The following RABEPK variants were observed in gnomAD, a reference collection of about 807,000 sequenced individuals.
RABEPK encodes Rab9 effector protein with kelch motifs, also known as 40 kDa Rab9 effector protein.
Under a neutral mutation model 34.1 loss-of-function variants are expected in RABEPK, and 27 were observed. The observed-to-expected ratio is 0.79, with a 90% CI of 0.58 to 1.09. The LOEUF is 1.09. RABEPK is among the 50% of genes least tolerant of loss of function. RABEPK has a pLI of 0.00. For synonymous variants in RABEPK, 172 were observed against 169.2 expected (o/e 1.02, Z -0.13); for missense variants, 449 against 462.6 (o/e 0.97, Z 0.27).
At chr9:125,210,706 CAAA>C (rs35140834) in intron 3 of RABEPK, among the ~76,000 whole-genome samples, 7 of 83,246 alleles carry the variant, frequency 8.4e-5, no homozygotes, top group African/African-American at 1.0e-4. Context: ...GACTCCGTCT[CAAA>C]AAAAAAAAAA....
chr9:125,203,214 G>A, intron 2 of RABEPK, 148 bp downstream of exon 2: 1 of 633,940 alleles, frequency 1.6e-6, no homozygotes, highest in Non-Finnish European at 2.9e-6. Context: ...GTCTGAGAAA[G>A]TCTTCAGAGG....
chr9:125,223,388 G>A (rs1056827317), intron 5 of RABEPK, among the ~76,000 whole-genome samples: 9 of 152,192 alleles, frequency 5.9e-5, no homozygotes, highest in Admixed American at 5.2e-4. Context: ...CCTGGGAGGT[G>A]GAGGTAGCAG....
chr9:125,219,116 G>C (rs1374614942), intron 4 of RABEPK, among the ~76,000 whole-genome samples: 1 of 149,332 alleles, frequency 6.7e-6, no homozygotes, highest in Admixed American at 6.7e-5. Context: ...TATTTGTTTA[G>C]CATTTACTGT....
chr9:125,231,376 A>G (rs1832166085), intron 6 of RABEPK, among the ~76,000 whole-genome samples: 1 of 152,218 alleles, frequency 6.6e-6, no homozygotes, highest in African/African-American at 2.4e-5. Context: ...GCAGCACATT[A>G]TCGTGTAGAG....
chr9:125,213,324 A>C (rs1456173935), intron 3 of RABEPK, 46 bp from the exon 4 acceptor site: 1 of 1,587,462 alleles, frequency 6.3e-7, no homozygotes, highest in Non-Finnish European at 8.6e-7. Context: ...CAACCAATAT[A>C]ATAATTGGCA....
chr9:125,202,350 G>A (rs1029052508), intron 1 of RABEPK, among the ~76,000 whole-genome samples: 3 of 146,890 alleles, frequency 2.0e-5, no homozygotes, highest in African/African-American at 5.0e-5. Flanking sequence ...GTAAAACCCC[G>A]TCTCTACTAG....
intron 3 of RABEPK, among the ~76,000 whole-genome samples, chr9:125,210,003 GAT>G (rs1296343289): frequency 3.3e-5 from 5 of 152,256 alleles, no homozygotes; most frequent in Admixed American, 3.3e-4. Flanking sequence ...CTCAGAAACA[GAT>G]AGCATATTTT....
intron 5 of RABEPK, 93 bp from the exon 6 acceptor site, chr9:125,227,817 G>GC: frequency 7.8e-7 from 1 of 1,274,788 alleles, no homozygotes; most frequent in Non-Finnish European, 1.1e-6. Context: ...GGACAGCTCC[G>GC]CTTGCTAGGA....
At chr9:125,215,493 G>A (rs182823480) in intron 4 of RABEPK, among the ~76,000 whole-genome samples, 23 of 151,778 alleles carry the variant, frequency 1.5e-4, no homozygotes, top group Non-Finnish European at 1.9e-4. Flanking sequence ...TGTATTTTTT[G>A]TAGAGACAGA....
chr9:125,232,217 T>TGC (rs1832238699), intron 6 of RABEPK, among the ~76,000 whole-genome samples: 1 of 118,086 alleles, frequency 8.5e-6, no homozygotes, highest in Non-Finnish European at 1.8e-5. Flanking sequence ...GTATTTAAAG[T>TGC]ACACACACAC....
chr9:125,229,569 C>T (rs1020121482), intron 6 of RABEPK, among the ~76,000 whole-genome samples: 6 of 152,326 alleles, frequency 3.9e-5, no homozygotes, highest in South Asian at 2.1e-4. Flanking sequence ...TAAATAATCT[C>T]CTGAGTGCTT....
chr9:125,208,165 A>G (rs1428758491), intron 3 of RABEPK, among the ~76,000 whole-genome samples: 2 of 152,096 alleles, frequency 1.3e-5, no homozygotes, highest in East Asian at 3.9e-4. Context: ...CATCACTGAC[A>G]GATCCCTCAG....
At chr9:125,215,636 A>T (rs946911760) in intron 4 of RABEPK, among the ~76,000 whole-genome samples, 1 of 152,064 alleles carries the variant, frequency 6.6e-6, no homozygotes, top group Non-Finnish European at 1.5e-5. Context: ...TGGCTGTATC[A>T]TACTCCATTA....
rs1209877826 is a variant in RABEPK at position 125,232,596 on chromosome 9, G to A, written c.677G>A (p.Ser226Asn). Reference protein sequence around the residue: ...FYDDLHCIDISDMKWQKLNPT... With the variant: ...FYDDLHCIDINDMKWQKLNPT... ...CAAAGCTCTTTCTTTCTCTTGGCAG[G>A]TGACATGAAATGGCAGAAGCTAAAT... Residue 226 changes from serine to asparagine, a missense_variant and splice_region_variant, in exon 7 of 8, where the codon AGT becomes AAT. Transcript: ENST00000373538. 6.2e-7 allele frequency: 1 copy of A among 1,610,964 alleles called. No individual in the cohort carries two copies. Among genetic ancestry groups the A allele is most frequent in the African/African-American group, 1.3e-5 (1 of 74,844 alleles).
intron 6 of RABEPK, among the ~76,000 whole-genome samples, chr9:125,229,304 G>A (rs896763480): frequency 7.3e-5 from 11 of 151,510 alleles, no homozygotes; most frequent in Admixed American, 2.0e-4. Context: ...TTGGTGACAG[G>A]CACCTGTAGT....
intron 6 of RABEPK, among the ~76,000 whole-genome samples, chr9:125,231,116 A>G (rs1230472364): frequency 6.6e-6 from 1 of 151,666 alleles, no homozygotes; most frequent in Non-Finnish European, 1.5e-5. Context: ...TAGCCTGGCC[A>G]ACATGGTGAA....
intron 4 of RABEPK, among the ~76,000 whole-genome samples, chr9:125,215,003 T>C (rs1434212696): frequency 6.6e-6 from 1 of 152,032 alleles, no homozygotes; most frequent in Admixed American, 6.6e-5. Flanking sequence ...TTAGCCAGGC[T>C]GGTCTCAAAT....
intron 6 of RABEPK, among the ~76,000 whole-genome samples, chr9:125,229,211 G>A (rs770861751): frequency 2.6e-5 from 4 of 151,656 alleles, no homozygotes; most frequent in Non-Finnish European, 4.4e-5. Context: ...CCAAGATCAT[G>A]CCACTGCACT....
Position 125,233,892 on chromosome 9 carries a change from A to C in RABEPK, c.1031A>C (p.Gln344Pro). The change falls in exon 8 of 8, where the codon CAG becomes CCG. Residue 344 changes from glutamine to proline, a missense_variant. Coordinates refer to ENST00000373538, the MANE Select transcript of RABEPK (RefSeq NM_005833.4). The part of the protein sequence containing the change: ...SHSGDSHEES[Q>P]TATLLCLVFG... ...AGTGGTGACTCACATGAGGAAAGCC[A>C]GACTGCTACACTGCTCTGTTTGGTG... 1 of 1,613,792 alleles carries C rather than the reference A, an allele frequency of 6.2e-7. No individual in the cohort carries two copies. The highest frequency in any genetic ancestry group is 1.1e-5 in the South Asian group (1 of 91,070).
Sources: allele counts gnomAD v4.1 joint callset (sites outside exome capture counted in the v4.1 genomes callset), GRCh38; gene constraint gnomAD v4.1.1; transcripts MANE v1.5; gene names NCBI Gene and HGNC (gene_info 2026-07-23, HGNC 2026-07-21).